Variants in DENND1A observed in about 807,000 individuals in gnomAD.
The protein encoded by DENND1A is DENN domain-containing protein 1A.
A neutral mutation model predicts 113.7 loss-of-function variants in DENND1A; 51 were observed. That is an observed-to-expected ratio of 0.45 (90% confidence interval 0.36 to 0.57). The LOEUF is 0.57. Ranked by LOEUF, DENND1A falls within the 20% of genes least tolerant of loss-of-function variation. The pLI, the probability that DENND1A is intolerant of heterozygous loss-of-function variation, is 0.00. For synonymous variants in DENND1A, 565 were observed against 570.8 expected, an observed-to-expected ratio of 0.99 and a Z score of 0.14; for missense variants, 1,258 against 1,395.9, an observed-to-expected ratio of 0.90 and a Z score of 1.57.
At chr9:123,780,920 T>C (rs1831216475) in intron 3 of DENND1A, among the ~76,000 whole-genome samples, 1 of 152,210 alleles carries the variant, frequency 6.6e-6, no homozygotes, top group Non-Finnish European at 1.5e-5. Context: ...ACTAATTTTA[T>C]GCAGATATTA....
chr9:123,500,590 C>A (rs1042474866), intron 13 of DENND1A, among the ~76,000 whole-genome samples: 5 of 152,206 alleles, frequency 3.3e-5, no homozygotes, highest in Non-Finnish European at 5.9e-5. Flanking sequence ...ATCTCTCCCC[C>A]TTCTGGGTCA....
chr9:123,475,492 G>A (rs1186726090), intron 13 of DENND1A, among the ~76,000 whole-genome samples: 3 of 152,236 alleles, frequency 2.0e-5, no homozygotes, highest in Non-Finnish European at 4.4e-5. Context: ...TCGAGGGACA[G>A]AGTTGCATTT....
At chr9:123,686,854 T>C (rs1325136231) in intron 5 of DENND1A, among the ~76,000 whole-genome samples, 2 of 152,284 alleles carry the variant, frequency 1.3e-5, no homozygotes, top group East Asian at 3.9e-4. Context: ...ATTAAGGAAA[T>C]GCTAGATTAG....
Position 123,619,571 on chromosome 9 carries a change from C to A in DENND1A, c.720-10090G>T, listed in dbSNP as rs554340765. Among the ~76,000 whole-genome samples the A allele has an allele frequency of 3.9e-5, 6 of 152,250 alleles. No homozygotes were observed. The East Asian group carries it at 1.2e-3, about 29-fold the overall frequency. On this transcript the variant is annotated intron_variant, in intron 10 of 23. Coordinates refer to ENST00000394215, the MANE Select transcript of DENND1A (RefSeq NM_001352964.2). ...GAGAGCTGGGACTACGGGTACACAC[C>A]ATCACACCTGGCTAATTTTTGTATT...
intron 19 of DENND1A, among the ~76,000 whole-genome samples, chr9:123,416,545 C>CG (rs2044742462): frequency 6.6e-6 from 1 of 152,204 alleles, no homozygotes; most frequent in Non-Finnish European, 1.5e-5. Context: ...GTCCCCTGGC[C>CG]GGGTTGAAAT....
intron 2 of DENND1A, among the ~76,000 whole-genome samples, chr9:123,846,234 T>A (rs77587038): frequency 0.05 from 7,638 of 152,278 alleles, 274 homozygotes; most frequent in Admixed American, 0.087. Flanking sequence ...ACCTTACACA[T>A]TGCTGGTGGC....
chr9:123,708,385 T>C (rs950920777), intron 5 of DENND1A, among the ~76,000 whole-genome samples: 6 of 152,182 alleles, frequency 3.9e-5, no homozygotes, highest in African/African-American at 1.4e-4. Flanking sequence ...ACCTGCATTA[T>C]ACCTATATTA....
At chr9:123,572,938 G>A (rs528368771) in intron 12 of DENND1A, among the ~76,000 whole-genome samples, 5 of 151,784 alleles carry the variant, frequency 3.3e-5, no homozygotes, top group Non-Finnish European at 1.5e-5. Flanking sequence ...TCTATTTTTA[G>A]GTCTATAGTC....
chr9:123,546,099 G>C (rs1204975982), intron 13 of DENND1A, among the ~76,000 whole-genome samples: 1 of 152,102 alleles, frequency 6.6e-6, no homozygotes, highest in Non-Finnish European at 1.5e-5. Context: ...TGACAATTCT[G>C]CAGGAGATGA....
At chr9:123,665,281 T>C (rs1339040022) in intron 8 of DENND1A, among the ~76,000 whole-genome samples, 4 of 152,218 alleles carry the variant, frequency 2.6e-5, no homozygotes, top group East Asian at 1.9e-4. Context: ...TAAATAATTA[T>C]GGTAGTTACC....
intron 10 of DENND1A, among the ~76,000 whole-genome samples, chr9:123,623,166 T>C (rs1341252839): frequency 1.3e-5 from 2 of 151,888 alleles, no homozygotes; most frequent in Non-Finnish European, 2.9e-5. Flanking sequence ...ATAAAAACAA[T>C]CTGAGGGATA....
chr9:123,805,311 T>A (rs954443462), intron 2 of DENND1A, among the ~76,000 whole-genome samples: 5 of 152,172 alleles, frequency 3.3e-5, no homozygotes, highest in Non-Finnish European at 5.9e-5. Flanking sequence ...GGACTAGAAG[T>A]GTTTTTTCAG....
At position 123,625,055 on chromosome 9, in the gene DENND1A, T is replaced by C. The variant is rs145599578; in HGVS notation, c.719+5321A>G. On this transcript the variant is annotated intron_variant, in intron 10 of 23. Transcript: ENST00000394215. ...CCATCACGGGTCTCTGTTAAACATT[T>C]TGGTGTATTTCTTTCCAGATTTCTG... is the stretch of plus-strand genomic sequence containing the variant. Among the ~76,000 whole-genome samples the C allele has an allele frequency of 1.4e-3, 210 of 152,306 alleles. 6 individuals carry two copies. The East Asian group carries it at 0.03, about 22-fold the overall frequency.
intron 12 of DENND1A, among the ~76,000 whole-genome samples, chr9:123,570,577 G>A (rs1018268874): frequency 6.6e-6 from 1 of 152,160 alleles, no homozygotes; most frequent in Admixed American, 6.5e-5. Context: ...CTACTAACCA[G>A]CCTGGGACCT....
At chr9:123,715,201 T>A (rs2066894973) in intron 5 of DENND1A, among the ~76,000 whole-genome samples, 4 of 151,850 alleles carry the variant, frequency 2.6e-5, no homozygotes, top group South Asian at 2.1e-4. Flanking sequence ...ATAATAATAA[T>A]AAAAAATAAA....
intron 5 of DENND1A, among the ~76,000 whole-genome samples, chr9:123,738,165 T>C (rs1249786124): frequency 6.6e-6 from 1 of 152,242 alleles, no homozygotes; most frequent in East Asian, 1.9e-4. Flanking sequence ...TAAAACATAT[T>C]TAAACTAATA....
chr9:123,387,607 G>T lies in DENND1A; in HGVS notation c.1760+123C>A, dbSNP rs2042632252. 11 of 1,132,748 alleles carry T rather than the reference G, an allele frequency of 9.7e-6. No homozygotes were observed. In the Admixed American group the frequency reaches 2.8e-4, roughly 29 times the overall value. 70.2% of individuals were successfully genotyped at this position (1,132,748 alleles called of 1,614,324 possible). A position where few individuals can be genotyped will look rare whatever the true frequency, so the allele number is the denominator to read the frequency against. ...CATGTTGGCACTGGGGCACCGGCAG[G>T]CAGCAGCTCCAGACACCCTCCCCCC... On this transcript the variant is annotated intron_variant, in intron 22 of 23. Transcript: ENST00000394215.
chr9:123,812,842 A>G (rs1003126039), intron 2 of DENND1A, among the ~76,000 whole-genome samples: 7 of 152,092 alleles, frequency 4.6e-5, no homozygotes, highest in South Asian at 2.1e-4. Context: ...AAAATTTTCA[A>G]TCTAATAATT....
At chr9:123,546,013 G>A (rs1214793870) in intron 13 of DENND1A, among the ~76,000 whole-genome samples, 1 of 152,134 alleles carries the variant, frequency 6.6e-6, no homozygotes, top group Non-Finnish European at 1.5e-5. Context: ...TAAAACTGCC[G>A]TGGTGGCTTC....
Sources: gnomAD v4.1 joint callset for allele counts (sites outside exome capture counted in the v4.1 genomes callset) on GRCh38, gnomAD v4.1.1 for gene constraint, MANE v1.5 for transcripts, NCBI Gene and HGNC (gene_info 2026-07-23, HGNC 2026-07-21) for gene names.